The following GPT2 variants were observed in gnomAD, a reference collection of about 807,000 sequenced individuals.
GPT2 encodes the protein alanine aminotransferase 2.
A neutral mutation model predicts 56.9 loss-of-function variants in GPT2; 30 were observed. The observed-to-expected ratio is 0.53, with a 90% CI of 0.39 to 0.72. GPT2 has a LOEUF of 0.72. Among genes scored for constraint, GPT2 ranks in the 30% least tolerant of loss-of-function variants. The probability of loss-of-function intolerance (pLI) is 0.00; values close to 1 mark genes in which losing one functional copy is unlikely to be tolerated. For synonymous variants in GPT2, 271 were observed against 283.1 expected, an observed-to-expected ratio of 0.96 and a Z score of 0.43; for missense variants, 542 against 703.4, an observed-to-expected ratio of 0.77 and a Z score of 2.60.
At chr16:46,889,559 T>C (rs1960548443) in intron 2 of GPT2, among the ~76,000 whole-genome samples, 5 of 152,120 alleles carry the variant, frequency 3.3e-5, no homozygotes, top group Admixed American at 2.6e-4. Flanking sequence ...TTGGCCTAGA[T>C]GCTACTTTAA....
intron 2 of GPT2, among the ~76,000 whole-genome samples, chr16:46,886,815 GC>G (rs1960492715): frequency 6.6e-6 from 1 of 152,142 alleles, no homozygotes; most frequent in African/African-American, 2.4e-5. Context: ...TGGTCACTGG[GC>G]CAGGGACATC....
At chr16:46,901,625 A>C (rs1027540239) in intron 4 of GPT2, among the ~76,000 whole-genome samples, 2 of 152,324 alleles carry the variant, frequency 1.3e-5, no homozygotes, top group South Asian at 4.1e-4. Flanking sequence ...GATGTTCCCG[A>C]AAGTGGAGCT....
rs549420927 is a variant in GPT2 at position 46,897,510 on chromosome 16, G to A, written c.244-138G>A. 7.9e-5 allele frequency: 55 copies of A among 698,854 alleles called. No homozygotes were observed. In the East Asian group the frequency reaches 1.5e-3, roughly 19 times the overall value. The allele number at this position is 698,854 out of a possible 1,614,324, so 43.3% of individuals were successfully genotyped here. ...GTTAAATGAGACCAGGCATGTCAAA[G>A]GCCTGGCACCAAGTCAGATACTTGG... On this transcript the variant is annotated intron_variant, in intron 2 of 11. Coordinates refer to ENST00000340124, the MANE Select transcript of GPT2 (RefSeq NM_133443.4).
intron 2 of GPT2, among the ~76,000 whole-genome samples, chr16:46,894,791 G>C (rs1038584182): frequency 1.3e-5 from 2 of 151,882 alleles, no homozygotes; most frequent in African/African-American, 4.8e-5. Flanking sequence ...TCAGCGTCCC[G>C]AGTAGCTGGG....
intron 2 of GPT2, among the ~76,000 whole-genome samples, chr16:46,891,285 C>T (rs1462765320): frequency 6.6e-6 from 1 of 152,158 alleles, no homozygotes; most frequent in Non-Finnish European, 1.5e-5. Flanking sequence ...CTCTGTTGCC[C>T]AGGCTAGAGT....
chr16:46,928,897 C>T lies in GPT2; in HGVS notation c.1482-10C>T. On this transcript the variant is annotated splice_polypyrimidine_tract_variant and intron_variant, in intron 11 of 11. Coordinates refer to ENST00000340124, the MANE Select transcript of GPT2 (RefSeq NM_133443.4). ...AGCAGCCAGGCTGACACTGTTGTCT[C>T]TCCTGCCAGGATGACTATCCTCCCT... The T allele has an allele frequency of 6.2e-7, 1 of 1,609,542 alleles. No individual in the cohort carries two copies. Among genetic ancestry groups the T allele is most frequent in the Non-Finnish European group, 8.5e-7 (1 of 1,175,852 alleles).
At chr16:46,894,198 G>A (rs1201747613) in intron 2 of GPT2, among the ~76,000 whole-genome samples, 5 of 152,210 alleles carry the variant, frequency 3.3e-5, no homozygotes, top group Non-Finnish European at 5.9e-5. Flanking sequence ...TGCATTGGTC[G>A]AGCAGTGCGG....
intron 8 of GPT2, 122 bp downstream of exon 8, chr16:46,918,879 C>T: frequency 1.7e-6 from 2 of 1,211,870 alleles, no homozygotes; most frequent in Non-Finnish European, 2.3e-6. Flanking sequence ...TTATCTGTTG[C>T]TTCTGCTGCA....
chr16:46,909,448 G>C (rs1960999275), intron 5 of GPT2, among the ~76,000 whole-genome samples: 1 of 152,128 alleles, frequency 6.6e-6, no homozygotes, highest in South Asian at 2.1e-4. Context: ...ACCGTGCCCA[G>C]CCTAAGTACT....
intron 5 of GPT2, among the ~76,000 whole-genome samples, chr16:46,907,623 T>G (rs1960959434): frequency 6.6e-6 from 1 of 152,080 alleles, no homozygotes; most frequent in Admixed American, 6.6e-5. Context: ...TGCTGGGGGA[T>G]GAGTGCACAG....
intron 2 of GPT2, among the ~76,000 whole-genome samples, chr16:46,897,351 C>A (rs897489165): frequency 6.6e-6 from 1 of 152,126 alleles, no homozygotes; most frequent in Non-Finnish European, 1.5e-5. Flanking sequence ...CCATCTTGGG[C>A]AAGAGAGCAA....
chr16:46,895,923 AAAGAC>A (rs1363581332), intron 2 of GPT2, among the ~76,000 whole-genome samples: 2 of 152,222 alleles, frequency 1.3e-5, no homozygotes, highest in African/African-American at 4.8e-5. Context: ...GAAAAGGAGA[AAAGAC>A]AAGTGTCACA....
chr16:46,897,823 G>A (rs1276366731), intron 3 of GPT2, 86 bp downstream of exon 3: 8 of 1,137,040 alleles, frequency 7.0e-6, no homozygotes, highest in Non-Finnish European at 1.0e-5. Context: ...CTGCCCCCTC[G>A]ATGTCCAGGC....
chr16:46,899,004 TA>T (rs1170779245), intron 3 of GPT2, among the ~76,000 whole-genome samples: 66 of 2,120 alleles, frequency 0.031, 1 homozygote, highest in Admixed American at 0.044. Flanking sequence ...CACACATATA[TA>T]TATATATATA....
At chr16:46,908,150 G>A (rs893195193) in intron 5 of GPT2, among the ~76,000 whole-genome samples, 1 of 150,936 alleles carries the variant, frequency 6.6e-6, no homozygotes, top group Non-Finnish European at 1.5e-5. Context: ...TTGGGAGACC[G>A]GTGGAGCCTG....
intron 2 of GPT2, among the ~76,000 whole-genome samples, chr16:46,897,230 G>A (rs1458962072): frequency 2.0e-5 from 3 of 152,060 alleles, no homozygotes; most frequent in Non-Finnish European, 2.9e-5. Flanking sequence ...AAAATTAGCC[G>A]GGTGTGGTGG....
At chr16:46,898,829 C>T (rs540530230) in intron 3 of GPT2, among the ~76,000 whole-genome samples, 40 of 149,324 alleles carry the variant, frequency 2.7e-4, no homozygotes, top group African/African-American at 8.8e-4. Context: ...CGATTACAGG[C>T]GTGAGCCACC....
intron 8 of GPT2, among the ~76,000 whole-genome samples, chr16:46,920,690 A>G (rs1961269843): frequency 2.0e-5 from 3 of 152,226 alleles, no homozygotes; most frequent in African/African-American, 7.2e-5. Context: ...GATGGCTGCC[A>G]AACTGTTCTT....
At chr16:46,922,160 C>T (rs911234689) in intron 8 of GPT2, 82 bp from the exon 9 acceptor site, 27 of 1,390,436 alleles carry the variant, frequency 1.9e-5, no homozygotes, top group Non-Finnish European at 2.4e-5. Context: ...TGTGGGAATG[C>T]TTTCGATTCT....
Sources: gnomAD v4.1 joint callset for allele counts (sites outside exome capture counted in the v4.1 genomes callset) on GRCh38, gnomAD v4.1.1 for gene constraint, MANE v1.5 for transcripts, NCBI Gene and HGNC (gene_info 2026-07-23, HGNC 2026-07-21) for gene names.